Variants in NWD1 observed in about 807,000 individuals in gnomAD.
NWD1 encodes NACHT domain- and WD repeat-containing protein 1.
In NWD1, 129 loss-of-function variants were observed where a neutral mutation model predicts 135.1. That is an observed-to-expected ratio of 0.96 (90% CI 0.83 to 1.11). The LOEUF is 1.11. NWD1 is among the 50% of genes least tolerant of loss of function. NWD1 has a pLI of 0.00. For missense variants in NWD1, 1,740 were observed against 1,851.3 expected, an observed-to-expected ratio of 0.94 and a Z score of 1.10; for synonymous variants, 773 against 786.0, an observed-to-expected ratio of 0.98 and a Z score of 0.28.
intron 6 of NWD1, among the ~76,000 whole-genome samples, chr19:16,757,950 G>A (rs1968859587): frequency 1.3e-5 from 2 of 152,240 alleles, no homozygotes; most frequent in Admixed American, 6.5e-5. Context: ...TACATGGGAG[G>A]CTGAGGCAGG....
Position 16,736,209 on chromosome 19 carries a change from T to TTTCCTTCC in NWD1, c.82-415_82-408dup, listed in dbSNP as rs756580912. 6.3e-4 allele frequency among the ~76,000 whole-genome samples: 74 copies of TTTCCTTCC among 117,130 alleles called. 2 individuals carry two copies. Among genetic ancestry groups the TTTCCTTCC allele is most frequent in the South Asian group, 3.0e-3 (11 of 3,646 alleles). 76.8% of individuals were successfully genotyped at this position (117,130 alleles called of 152,430 possible). A position where few individuals can be genotyped will look rare whatever the true frequency, so the allele number is the denominator to read the frequency against. ...CTTTCCTTCTTTCCTTCCTTCCTTC[T>TTTCCTTCC]TTCCTTCCTTCCTTCCTACCTTCCT... On this transcript the variant is annotated intron_variant, in intron 3 of 18. Coordinates refer to ENST00000524140, the MANE Select transcript of NWD1 (RefSeq NM_001007525.5).
chr19:16,769,845 T>C (rs911642477), intron 10 of NWD1, among the ~76,000 whole-genome samples: 1 of 152,214 alleles, frequency 6.6e-6, no homozygotes, highest in African/African-American at 2.4e-5. Flanking sequence ...TTTTTCTTTT[T>C]TCTTTTTTTA....
intron 13 of NWD1, among the ~76,000 whole-genome samples, chr19:16,789,564 T>C (rs1445743924): frequency 6.6e-6 from 1 of 152,164 alleles, no homozygotes; most frequent in Non-Finnish European, 1.5e-5. Context: ...CCATGGGCTA[T>C]TTAAAAGTAT....
rs1259393950 is a variant in NWD1 at position 16,793,280 on chromosome 19, C to T, written c.3214-1183C>T. Among the ~76,000 whole-genome samples, 7 of 152,088 alleles carry T rather than the reference C, an allele frequency of 4.6e-5. No individual in the cohort carries two copies. In the South Asian group the frequency reaches 8.3e-4, roughly 18 times the overall value. ...ACAGGGTCTTACTTTATCTCTCAGG[C>T]GGGAGTGCAGTGGCACGATCATGGC... is the stretch of plus-strand genomic sequence containing the variant. On this transcript the variant is annotated intron_variant, in intron 14 of 18. Coordinates refer to ENST00000524140, the MANE Select transcript of NWD1 (RefSeq NM_001007525.5).
chr19:16,767,892 C>A (rs1312123278), intron 10 of NWD1, among the ~76,000 whole-genome samples: 2 of 151,264 alleles, frequency 1.3e-5, no homozygotes, highest in Non-Finnish European at 2.9e-5. Context: ...TGGTATTTTA[C>A]AGTATTTGTC....
chr19:16,771,217 C>T (rs976929052), intron 10 of NWD1, among the ~76,000 whole-genome samples: 6 of 152,128 alleles, frequency 3.9e-5, no homozygotes, highest in African/African-American at 9.7e-5. Context: ...TTTGAGAAGC[C>T]GAGGCAGGCA....
chr19:16,727,989 A>G (rs1967397138), intron 2 of NWD1, among the ~76,000 whole-genome samples: 1 of 151,626 alleles, frequency 6.6e-6, no homozygotes, highest in African/African-American at 2.4e-5. Context: ...TGAACCTGGG[A>G]GGCAGAGGTT....
chr19:16,753,781 C>T (rs1968670199), intron 6 of NWD1, among the ~76,000 whole-genome samples: 1 of 152,124 alleles, frequency 6.6e-6, no homozygotes, highest in South Asian at 2.1e-4. Flanking sequence ...GAGACCCTAT[C>T]CATTCATCCA....
chr19:16,743,616 A>C (rs968462251), intron 4 of NWD1, among the ~76,000 whole-genome samples: 5 of 152,128 alleles, frequency 3.3e-5, no homozygotes, highest in Non-Finnish European at 5.9e-5. Context: ...GAAGAATTGA[A>C]TTGACATAAA....
Position 16,759,287 on chromosome 19 carries a change from A to T in NWD1, c.1832A>T (p.Asp611Val). The change falls in exon 7 of 19, where the codon GAT (aspartate) becomes GTT (valine). Residue 611 changes from aspartate to valine, a missense_variant. By Grantham distance (152) the Asp-to-Val change is radical. Transcript: ENST00000524140. ...VLSLDDEVLQ[D>V]VYRDWTPPSK... Reference sequence around the variant, plus strand: ...TCCCTGGACGACGAGGTCCTGCAGGATGTGTACCGAGATTGGACCCCGCCC... The same window carrying T: ...TCCCTGGACGACGAGGTCCTGCAGGTTGTGTACCGAGATTGGACCCCGCCC... 6.2e-7 allele frequency: 1 copy of T among 1,614,044 alleles called. No individual in the cohort carries two copies. The highest frequency in any genetic ancestry group is 8.5e-7 in the Non-Finnish European group (1 of 1,179,992).
chr19:16,753,668 T>C (rs1968665606), intron 6 of NWD1, among the ~76,000 whole-genome samples: 2 of 152,296 alleles, frequency 1.3e-5, no homozygotes. Context: ...AGTCCAGGGA[T>C]GCTGTTTAAC....
intron 12 of NWD1, among the ~76,000 whole-genome samples, chr19:16,788,217 C>A (rs1970115585): frequency 7.4e-6 from 1 of 135,962 alleles, no homozygotes; most frequent in Non-Finnish European, 1.6e-5. Flanking sequence ...GCAACAAGAG[C>A]AAAACTTCAT....
chr19:16,781,982 T>C (rs531491304), intron 12 of NWD1, among the ~76,000 whole-genome samples: 1 of 150,976 alleles, frequency 6.6e-6, no homozygotes, highest in African/African-American at 2.4e-5. Context: ...TAGTCCCAGC[T>C]ACTCGGGAGG....
intron 1 of NWD1, among the ~76,000 whole-genome samples, chr19:16,723,713 GTT>G (rs1967221552): frequency 6.6e-6 from 1 of 151,722 alleles, no homozygotes; most frequent in African/African-American, 2.4e-5. Context: ...GTTTTGTTTT[GTT>G]TTGAGATGGA....
At chr19:16,730,932 A>G (rs1400069516) in intron 2 of NWD1, among the ~76,000 whole-genome samples, 33 of 109,214 alleles carry the variant, frequency 3.0e-4, no homozygotes, top group Non-Finnish European at 4.4e-4. Flanking sequence ...TTTTTTTGAG[A>G]TGGTGGCAGC....
chr19:16,779,604 G>C, intron 12 of NWD1, 139 bp downstream of exon 12: 2 of 750,620 alleles, frequency 2.7e-6, no homozygotes, highest in Admixed American at 2.4e-5. Flanking sequence ...GTTGCATAAT[G>C]AACCATCCCC....
In NWD1 at chr19:16,759,391, C is replaced by A; in HGVS notation, c.1936C>A (p.Pro646Thr). 1 of 1,591,434 alleles carries A rather than the reference C, an allele frequency of 6.3e-7. No homozygotes were observed. The highest frequency in any genetic ancestry group is 1.1e-5 in the South Asian group (1 of 88,932). ...RDLGYYLARR[P>T]VDGFTLLAIA... is the part of the protein sequence containing the mutation. ...TCTGGGATACTACTTGGCCCGGCGG[C>A]CCGTGGATGGCTTCACCCTCCTGGC... Residue 646 changes from proline to threonine, a missense_variant, in exon 7 of 19, where the codon CCC becomes ACC. Pro to Thr is a conservative substitution (Grantham distance 38). Coordinates refer to ENST00000524140, the MANE Select transcript of NWD1 (RefSeq NM_001007525.5).
In NWD1 at chr19:16,750,213, G is replaced by A; in HGVS notation, c.1571G>A (p.Trp524Ter). The stretch of plus-strand genomic sequence containing the variant: ...AGCCCGGTGCACACAGATTTGCTCT[G>A]GGCCAGCCTCCCAGAGTGTGGGAAC... ...TLSPVHTDLL[W>*]ASLPECGNPG... The change falls in exon 6 of 19, where the codon TGG becomes TAG. Residue 524 changes from tryptophan (W) to a stop codon, truncating the protein, a stop_gained. Transcript: ENST00000524140. LOFTEE classifies it high-confidence loss of function. The A allele has an allele frequency of 6.2e-7, 1 of 1,613,298 alleles. No homozygotes were observed. The highest frequency in any genetic ancestry group is 8.5e-7 in the Non-Finnish European group (1 of 1,179,708).
At chr19:16,768,140 G>A (rs1969294544) in intron 10 of NWD1, among the ~76,000 whole-genome samples, 1 of 151,880 alleles carries the variant, frequency 6.6e-6, no homozygotes, top group Non-Finnish European at 1.5e-5. Flanking sequence ...GATTACAGGT[G>A]TGTGCCACCA....
Sources: allele counts gnomAD v4.1 joint callset (sites outside exome capture counted in the v4.1 genomes callset), GRCh38; gene constraint gnomAD v4.1.1; transcripts MANE v1.5; gene names NCBI Gene and HGNC (gene_info 2026-07-23, HGNC 2026-07-21).